PDE4D: variants seen among roughly 807,000 people sequenced by gnomAD.
The protein encoded by PDE4D is phosphodiesterase 4D, also known as 3',5'-cyclic-AMP phosphodiesterase 4D.
PDE4D carries 24 observed loss-of-function variants against 87.4 expected under a neutral mutation model. The ratio of observed to expected loss-of-function variants is 0.27; its 90% CI spans 0.20 to 0.39. The LOEUF (loss-of-function observed/expected upper bound fraction) is 0.39, where lower values mean the gene tolerates loss of function less well. PDE4D is among the 10% of genes least tolerant of loss of function. The pLI, the probability that PDE4D is intolerant of heterozygous loss-of-function variation, is 1.00. For missense variants in PDE4D, 714 were observed against 1,041.0 expected, an observed-to-expected ratio of 0.69 and a Z score of 4.32; for synonymous variants, 384 against 383.2, an observed-to-expected ratio of 1.00 and a Z score of -0.02.
chr5:60,215,034 C>A (rs1743691867), intron 1 of PDE4D, among the ~76,000 whole-genome samples: 1 of 152,164 alleles, frequency 6.6e-6, no homozygotes, highest in Admixed American at 6.5e-5. Context: ...CAAAAAAATT[C>A]TTGCTCCCAG....
At chr5:59,561,967 A>T (rs1195082394) in intron 1 of PDE4D, among the ~76,000 whole-genome samples, 1 of 151,784 alleles carries the variant, frequency 6.6e-6, no homozygotes, top group Non-Finnish European at 1.5e-5. Flanking sequence ...ATGTAGATTA[A>T]CTCCTGAAAG....
chr5:59,594,893 G>A (rs576511564), intron 1 of PDE4D, among the ~76,000 whole-genome samples: 1 of 152,184 alleles, frequency 6.6e-6, no homozygotes, highest in Non-Finnish European at 1.5e-5. Flanking sequence ...AGATAATGAT[G>A]TATCAATGTA....
At chr5:59,738,970 G>A (rs1437124) in intron 1 of PDE4D, among the ~76,000 whole-genome samples, 74,259 of 151,860 alleles carry the variant, frequency 0.49, 18,859 homozygotes, top group African/African-American at 0.56. Flanking sequence ...GGTGAACATT[G>A]ACCTGAGGGT....
chr5:60,421,188 C>A (rs189901342), intron 1 of PDE4D, among the ~76,000 whole-genome samples: 25 of 152,164 alleles, frequency 1.6e-4, no homozygotes, highest in African/African-American at 5.8e-4. Context: ...CAGTGGTTCT[C>A]CCAGCATGGC....
Position 59,802,501 on chromosome 5 carries a change from C to T in PDE4D, c.455+90667G>A, listed in dbSNP as rs553572374. On this transcript the variant is annotated intron_variant, in intron 1 of 14. Transcript: ENST00000340635. ...GCAACCTCTACCTCCCAGGTTCAAGCGATTCTCCTGCCTCAGCCTCCCAAA... is the reference window on the plus strand; with the variant it reads ...GCAACCTCTACCTCCCAGGTTCAAGTGATTCTCCTGCCTCAGCCTCCCAAA... Among the ~76,000 whole-genome samples, 381 of 149,390 alleles carry T rather than the reference C, an allele frequency of 2.6e-3. 3 individuals carry two copies. Among genetic ancestry groups the T allele is most frequent in the Middle Eastern group, 0.017 (5 of 286 alleles).
intron 1 of PDE4D, among the ~76,000 whole-genome samples, chr5:59,889,933 C>T (rs1750712344): frequency 6.6e-6 from 1 of 152,038 alleles, no homozygotes; most frequent in Non-Finnish European, 1.5e-5. Flanking sequence ...TTTAACATAT[C>T]CAAATTTCCC....
intron 1 of PDE4D, among the ~76,000 whole-genome samples, chr5:59,827,827 T>C (rs1770501070): frequency 6.6e-6 from 1 of 151,988 alleles, no homozygotes; most frequent in Non-Finnish European, 1.5e-5. Flanking sequence ...GGCTGAAAAA[T>C]AATATCATAA....
chr5:59,877,815 C>T (rs901931251), intron 1 of PDE4D, among the ~76,000 whole-genome samples: 2 of 150,454 alleles, frequency 1.3e-5, no homozygotes, highest in African/African-American at 4.9e-5. Flanking sequence ...CAAGATTCTG[C>T]CAAAAAAAAG....
chr5:59,256,731 C>T (rs954742934), intron 1 of PDE4D, among the ~76,000 whole-genome samples: 19 of 152,026 alleles, frequency 1.2e-4, no homozygotes, highest in African/African-American at 4.6e-4. Context: ...TTCTATTTAG[C>T]TGCATTGGCA....
intron 1 of PDE4D, among the ~76,000 whole-genome samples, chr5:59,507,664 C>CAAAAAAAAAAAAAAAAAAAAAAAAAAA (rs1284106865): frequency 1.3e-5 from 1 of 79,820 alleles, no homozygotes; most frequent in African/African-American, 5.2e-5. Flanking sequence ...TACCCTGTCT[C>CAAAAAAAAAAAAAAAAAAAAAAAAAAA]AAAAAAAAAA....
At position 59,196,010 on chromosome 5, in the gene PDE4D, C is replaced by A. The variant is rs1226648911; in HGVS notation, c.648-2474G>T. Among the ~76,000 whole-genome samples, 7 of 151,736 alleles carry A rather than the reference C, an allele frequency of 4.6e-5. 1 individual carries two copies. In the South Asian group the frequency reaches 1.5e-3, roughly 32 times the overall value. ...TGTAGAGAAAAGAAGAGATGAGGAC[C>A]TAAACTAAATCAGTGGTAGTTGAGA... On this transcript the variant is annotated intron_variant, in intron 2 of 14. Coordinates refer to ENST00000340635, the MANE Select transcript of PDE4D (RefSeq NM_001104631.2).
At chr5:59,355,791 G>A (rs1413173316) in intron 1 of PDE4D, among the ~76,000 whole-genome samples, 1 of 151,912 alleles carries the variant, frequency 6.6e-6, no homozygotes, top group Non-Finnish European at 1.5e-5. Flanking sequence ...ATCTTCTTTA[G>A]TGTCTAAAGC....
chr5:59,148,485 T>C (rs1778986117), intron 5 of PDE4D, among the ~76,000 whole-genome samples: 1 of 152,032 alleles, frequency 6.6e-6, no homozygotes, highest in South Asian at 2.1e-4. Context: ...ATGGAGACAA[T>C]GACAATAGAT....
chr5:60,079,445 T>C (rs1165873851), intron 2 of PDE4D, among the ~76,000 whole-genome samples: 1 of 152,208 alleles, frequency 6.6e-6, no homozygotes, highest in Non-Finnish European at 1.5e-5. Context: ...CATGAAGTCT[T>C]TGCCCAGGCC....
chr5:60,235,291 A>G (rs1216174254), intron 1 of PDE4D, among the ~76,000 whole-genome samples: 1 of 151,856 alleles, frequency 6.6e-6, no homozygotes, highest in African/African-American at 2.4e-5. Context: ...AGATCCCAAG[A>G]AGCATCATAT....
At chr5:59,810,845 C>A (rs992683276) in intron 1 of PDE4D, among the ~76,000 whole-genome samples, 2 of 152,148 alleles carry the variant, frequency 1.3e-5, no homozygotes, top group Non-Finnish European at 2.9e-5. Flanking sequence ...TGGATTTGGG[C>A]AACAGCTGAA....
rs544455227 is a variant in PDE4D, at chr5:59,934,231, C to T, written c.272+54257G>A. Reference sequence around the variant, plus strand: ...ATCCGCCCACCTTGGCCTCTCAAAGCGCTGGAAAGTTTAAACAGTAACAAA... The same window carrying T: ...ATCCGCCCACCTTGGCCTCTCAAAGTGCTGGAAAGTTTAAACAGTAACAAA... On this transcript the variant is annotated intron_variant, in intron 3 of 16. Transcript: ENST00000502484. Among the ~76,000 whole-genome samples, 10 of 152,148 alleles carry T rather than the reference C, an allele frequency of 6.6e-5. No individual in the cohort carries two copies. The South Asian group carries it at 1.7e-3, about 25-fold the overall frequency.
chr5:59,615,597 G>C (rs1829562288), intron 1 of PDE4D, among the ~76,000 whole-genome samples: 1 of 152,172 alleles, frequency 6.6e-6, no homozygotes, highest in African/African-American at 2.4e-5. Flanking sequence ...GTGACCAAAA[G>C]TGTCTGCATT....
At chr5:59,755,955 G>C (rs1761151563) in intron 1 of PDE4D, among the ~76,000 whole-genome samples, 1 of 150,724 alleles carries the variant, frequency 6.6e-6, no homozygotes. Flanking sequence ...ATCTCAAAAG[G>C]GTAATGGGGA....
Sources: gnomAD v4.1 joint callset for allele counts (sites outside exome capture counted in the v4.1 genomes callset) on GRCh38, gnomAD v4.1.1 for gene constraint, MANE v1.5 for transcripts, NCBI Gene and HGNC (gene_info 2026-07-23, HGNC 2026-07-21) for gene names.